The following HHAT variants were observed in gnomAD, a reference collection of about 807,000 sequenced individuals.
HHAT encodes the protein hedgehog acyltransferase.
A neutral mutation model predicts 70.8 loss-of-function variants in HHAT; 47 were observed. The ratio of observed to expected loss-of-function variants is 0.66; its 90% CI spans 0.53 to 0.85. The LOEUF (loss-of-function observed/expected upper bound fraction) is 0.85, where lower values mean the gene tolerates loss of function less well. Among genes scored for constraint, HHAT ranks in the 40% least tolerant of loss-of-function variants. The pLI is 0.00. For missense variants in HHAT, 609 were observed against 604.8 expected (o/e 1.01, Z -0.07); for synonymous variants, 228 against 247.6 (o/e 0.92, Z 0.74).
chr1:210,544,430 G>A (rs1449570597), intron 9 of HHAT, among the ~76,000 whole-genome samples: 1 of 139,926 alleles, frequency 7.1e-6, no homozygotes, highest in Non-Finnish European at 1.5e-5. Context: ...GGGAGTGCAA[G>A]GGCATGAACT....
intron 9 of HHAT, among the ~76,000 whole-genome samples, chr1:210,526,190 C>T (rs533052574): frequency 1.6e-4 from 24 of 152,164 alleles, no homozygotes; most frequent in African/African-American, 3.4e-4. Flanking sequence ...GCACTGGAGA[C>T]GGGGAGCCCC....
chr1:210,571,110 T>C (rs1656175592), intron 9 of HHAT, among the ~76,000 whole-genome samples: 1 of 152,218 alleles, frequency 6.6e-6, no homozygotes, highest in Non-Finnish European at 1.5e-5. Context: ...TGATCTGTGC[T>C]ACCTAAGGCA....
At chr1:210,462,454 T>C (rs909234234) in intron 7 of HHAT, 2 of 152,228 alleles carry the variant, frequency 1.3e-5, no homozygotes, top group Admixed American at 6.5e-5. Context: ...TGAAACTGAT[T>C]TATCACCCAG....
At chr1:210,494,629 G>C (rs1354389551) in intron 8 of HHAT, among the ~76,000 whole-genome samples, 3 of 134,282 alleles carry the variant, frequency 2.2e-5, no homozygotes, top group Non-Finnish European at 4.6e-5. Context: ...TTGGCTCACT[G>C]CAACCTCTGC....
chr1:210,360,137 G>T (rs1301015421), intron 2 of HHAT, among the ~76,000 whole-genome samples: 1 of 152,080 alleles, frequency 6.6e-6, no homozygotes, highest in Non-Finnish European at 1.5e-5. Flanking sequence ...TTCTGCAGCT[G>T]GGATTTTCAG....
intron 3 of HHAT, among the ~76,000 whole-genome samples, chr1:210,381,523 C>T (rs540162893): frequency 6.6e-6 from 1 of 152,260 alleles, no homozygotes; most frequent in South Asian, 2.1e-4. Flanking sequence ...TCAAGCTATC[C>T]ACCCACCTTA....
intron 1 of HHAT, among the ~76,000 whole-genome samples, chr1:210,343,452 G>T (rs530093013): frequency 3.3e-5 from 5 of 152,284 alleles, no homozygotes; most frequent in African/African-American, 1.2e-4. Context: ...GTCTCAAATA[G>T]TAACCATTGC....
At chr1:210,564,655 G>C (rs1181091607) in intron 9 of HHAT, among the ~76,000 whole-genome samples, 1 of 152,188 alleles carries the variant, frequency 6.6e-6, no homozygotes, top group African/African-American at 2.4e-5. Context: ...GTACAGTAGT[G>C]GTAAGACATA....
chr1:210,445,693 C>T (rs1372438959), intron 7 of HHAT, among the ~76,000 whole-genome samples: 4 of 152,312 alleles, frequency 2.6e-5, no homozygotes, highest in African/African-American at 9.6e-5. Context: ...TTGTTGACAT[C>T]AGCAGTGTTT....
At chr1:210,613,558 C>T (rs1170981438) in intron 10 of HHAT, among the ~76,000 whole-genome samples, 1 of 152,154 alleles carries the variant, frequency 6.6e-6, no homozygotes, top group Non-Finnish European at 1.5e-5. Context: ...TTGTGTCCTG[C>T]AACTTTGTTC....
rs141456428 is a variant in HHAT, at chr1:210,466,102, T to C, written c.1007+1447T>C. Among the ~76,000 whole-genome samples the C allele has an allele frequency of 2.5e-3, 364 of 148,356 alleles. 3 individuals carry two copies. In the East Asian group the frequency reaches 0.025, roughly 10 times the overall value. On this transcript the variant is annotated intron_variant, in intron 8 of 11. Coordinates refer to ENST00000261458, the MANE Select transcript of HHAT (RefSeq NM_018194.6). ...TTGCAAGGAATGAATTGCAAGGAAT[T>C]GCAAGGAATCGCAAGGAATCGCAAG...
chr1:210,469,026 A>C (rs1478850884), intron 8 of HHAT, among the ~76,000 whole-genome samples: 1 of 152,144 alleles, frequency 6.6e-6, no homozygotes, highest in Non-Finnish European at 1.5e-5. Flanking sequence ...CCTGGCGTAT[A>C]GTAGGTCCTC....
At chr1:210,587,696 T>C (rs572684843) in intron 9 of HHAT, among the ~76,000 whole-genome samples, 71 of 152,368 alleles carry the variant, frequency 4.7e-4, no homozygotes, top group African/African-American at 1.6e-3. Flanking sequence ...TGTGTTCATT[T>C]AACCTAACAC....
intron 1 of HHAT, 36 bp downstream of exon 1, chr1:210,329,140 GT>G: frequency 7.8e-7 from 1 of 1,290,306 alleles, no homozygotes; most frequent in Non-Finnish European, 9.9e-7. Flanking sequence ...TCCTGGGGAG[GT>G]TAGATGCTGA....
intron 10 of HHAT, 132 bp downstream of exon 10, chr1:210,588,231 C>T (rs1660917637): frequency 1.4e-6 from 1 of 696,824 alleles, no homozygotes; most frequent in Admixed American, 2.8e-5. Flanking sequence ...AGTCCATATG[C>T]CTAGAGGCAA....
chr1:210,674,216 C>T, intron 11 of HHAT, 72 bp from the exon 12 acceptor site: 5 of 1,274,368 alleles, frequency 3.9e-6, no homozygotes, highest in Non-Finnish European at 5.7e-6. Context: ...CAAAAGGGGA[C>T]AGTTTGCCCA....
chr1:210,622,967 T>G (rs114069261), intron 10 of HHAT, among the ~76,000 whole-genome samples: 2,630 of 152,320 alleles, frequency 0.017, 37 homozygotes, highest in Middle Eastern at 0.034. Flanking sequence ...AGTGCTTGTA[T>G]TCCACATGTC....
At chr1:210,352,331 G>A (rs535611596) in intron 2 of HHAT, among the ~76,000 whole-genome samples, 33 of 152,206 alleles carry the variant, frequency 2.2e-4, no homozygotes, top group African/African-American at 7.7e-4. Context: ...TTTACCTCAC[G>A]GGAGCCAGAT....
chr1:210,609,588 T>C (rs1359721785), intron 10 of HHAT, among the ~76,000 whole-genome samples: 1 of 152,160 alleles, frequency 6.6e-6, no homozygotes, highest in African/African-American at 2.4e-5. Context: ...GCCATGGTGG[T>C]ATGCTGCACA....
Sources: allele counts gnomAD v4.1 joint callset (sites outside exome capture counted in the v4.1 genomes callset), GRCh38; gene constraint gnomAD v4.1.1; transcripts MANE v1.5; gene names NCBI Gene and HGNC (gene_info 2026-07-23, HGNC 2026-07-21).